The following UACA variants were observed in gnomAD, a reference collection of about 807,000 sequenced individuals.
UACA encodes the protein uveal autoantigen with coiled-coil domains and ankyrin repeats.
A neutral mutation model predicts 160.5 loss-of-function variants in UACA; 112 were observed. The ratio of observed to expected loss-of-function variants is 0.70; its 90% CI spans 0.60 to 0.82. UACA has a LOEUF of 0.82. Ranked by LOEUF, UACA falls within the 40% of genes least tolerant of loss-of-function variation. UACA has a pLI of 0.00. For synonymous variants in UACA, 557 were observed against 568.4 expected, an observed-to-expected ratio of 0.98 and a Z score of 0.29; for missense variants, 1,574 against 1,614.6, an observed-to-expected ratio of 0.97 and a Z score of 0.43.
intron 1 of UACA, among the ~76,000 whole-genome samples, chr15:70,750,854 A>T (rs2030006824): frequency 6.6e-6 from 1 of 152,160 alleles, no homozygotes; most frequent in African/African-American, 2.4e-5. Flanking sequence ...CACCCTGCAG[A>T]TTGGTGTCTC....
intron 1 of UACA, 150 bp downstream of exon 1, chr15:70,763,180 A>G: frequency 1.2e-6 from 1 of 835,724 alleles, no homozygotes; most frequent in Non-Finnish European, 1.6e-6. Flanking sequence ...GGGCTGACGG[A>G]GTCTCCGGCC....
intron 1 of UACA, among the ~76,000 whole-genome samples, chr15:70,706,650 A>G (rs1008550639): frequency 1.8e-4 from 27 of 152,156 alleles, no homozygotes; most frequent in Admixed American, 6.5e-5. Context: ...TTGCATTTCT[A>G]TATAATAACA....
chr15:70,775,614 C>T, the UACA span, among the ~76,000 whole-genome samples: 1 of 152,066 alleles, frequency 6.6e-6, no homozygotes, highest in Middle Eastern at 3.2e-3. Flanking sequence ...TTGCTTTTTG[C>T]TTGTGTTTTC....
In UACA at chr15:70,762,152, T is replaced by C. The variant is rs552309564; in HGVS notation, c.78+1178A>G. 1.5e-3 allele frequency among the ~76,000 whole-genome samples: 232 copies of C among 152,332 alleles called. 1 individual carries two copies. Among genetic ancestry groups the C allele is most frequent in the African/African-American group, 5.3e-3 (221 of 41,572 alleles). On this transcript the variant is annotated intron_variant, in intron 1 of 18. Transcript: ENST00000322954. The stretch of plus-strand genomic sequence containing the variant: ...TCAATTACGTCATCTGAATCTACTC[T>C]CTTTTTTTGAAATAGGAATTTAAGT...
At chr15:70,751,151 A>G (rs781158652) in intron 1 of UACA, among the ~76,000 whole-genome samples, 1 of 152,146 alleles carries the variant, frequency 6.6e-6, no homozygotes, top group Non-Finnish European at 1.5e-5. Flanking sequence ...ACAGTCCTCT[A>G]TCACAGCACT....
intron 17 of UACA, 79 bp downstream of exon 17, chr15:70,664,583 A>G: frequency 6.7e-7 from 1 of 1,491,588 alleles, no homozygotes; most frequent in African/African-American, 1.4e-5. Flanking sequence ...GAGCACTTTA[A>G]TTTCTAAATG....
At chr15:70,719,321 A>T (rs76968984) in intron 1 of UACA, among the ~76,000 whole-genome samples, 2,353 of 152,288 alleles carry the variant, frequency 0.015, 26 homozygotes, top group South Asian at 0.023. Flanking sequence ...ACCAAATCAT[A>T]AGTGTAGCCA....
chr15:70,763,810 G>T (rs1449927421), upstream of UACA, among the ~76,000 whole-genome samples: 2 of 152,256 alleles, frequency 1.3e-5, no homozygotes, highest in African/African-American at 4.8e-5. Context: ...CCCACCCGGA[G>T]CTTAAGATCT....
At position 70,666,801 on chromosome 15, in the gene UACA, T is replaced by C. The variant is rs746621471; in HGVS notation, c.3883A>G (p.Lys1295Glu). The C allele has an allele frequency of 6.2e-7, 1 of 1,613,616 alleles. No homozygotes were observed. Among genetic ancestry groups the C allele is most frequent in the Non-Finnish European group, 8.5e-7 (1 of 1,179,872 alleles). Residue 1295 changes from lysine (K) to glutamate (E), a missense_variant, in exon 16 of 19, where the codon AAG becomes GAG. Lys to Glu is a moderately conservative substitution (Grantham distance 56). Transcript: ENST00000322954. ...AACTCTGTGATTGTTGTTAAGGACTTATCACATCGTTCCTTCTGATCCTTA... is the reference window on the plus strand; with the variant it reads ...AACTCTGTGATTGTTGTTAAGGACTCATCACATCGTTCCTTCTGATCCTTA... ...EIKDQKERCD[K>E]SLTTITELQR... is the part of the protein sequence containing the mutation.
At chr15:70,701,932 C>A in intron 1 of UACA, 1 of 1,612,774 alleles carries the variant, frequency 6.2e-7, no homozygotes, top group Non-Finnish European at 8.5e-7. Flanking sequence ...GATTTAGTTT[C>A]TTGTTGCTAA....
At chr15:70,688,275 T>A (rs1897801839) in intron 5 of UACA, among the ~76,000 whole-genome samples, 1 of 152,194 alleles carries the variant, frequency 6.6e-6, no homozygotes, top group African/African-American at 2.4e-5. Flanking sequence ...GATTGCAATG[T>A]CTACCTTTAT....
At chr15:70,728,041 G>A (rs151136802) in intron 1 of UACA, among the ~76,000 whole-genome samples, 2 of 152,166 alleles carry the variant, frequency 1.3e-5, no homozygotes, top group African/African-American at 2.4e-5. Context: ...AGACTAATGG[G>A]GAACAGAAGA....
upstream of UACA, among the ~76,000 whole-genome samples, chr15:70,767,358 G>T (rs2141024705): frequency 6.6e-6 from 1 of 152,014 alleles, no homozygotes; most frequent in South Asian, 2.1e-4. Context: ...GGAGGCCAAA[G>T]TGGACAGATC....
chr15:70,751,796 G>A (rs2030077210), intron 1 of UACA, among the ~76,000 whole-genome samples: 1 of 152,022 alleles, frequency 6.6e-6, no homozygotes. Flanking sequence ...CTAAGACTGA[G>A]AAACACTTCA....
At chr15:70,763,226 T>C (rs1296973068) in intron 1 of UACA, 104 bp downstream of exon 1, 2 of 1,212,972 alleles carry the variant, frequency 1.6e-6, no homozygotes, top group African/African-American at 1.6e-5. Context: ...GAAGCCGAAC[T>C]GGCAGAGGAA....
intron 1 of UACA, among the ~76,000 whole-genome samples, chr15:70,749,782 G>A (rs1445497839): frequency 6.6e-6 from 1 of 150,412 alleles, no homozygotes; most frequent in Non-Finnish European, 1.5e-5. Context: ...TATTAGCATA[G>A]TAAGTTAAAC....
intron 1 of UACA, among the ~76,000 whole-genome samples, chr15:70,714,466 A>C (rs1238768727): frequency 6.6e-6 from 1 of 152,142 alleles, no homozygotes; most frequent in Non-Finnish European, 1.5e-5. Flanking sequence ...TATGATTTGA[A>C]AGTATGTAGT....
chr15:70,766,524 T>A (rs568349763), upstream of UACA, among the ~76,000 whole-genome samples: 50 of 152,182 alleles, frequency 3.3e-4, no homozygotes, highest in Non-Finnish European at 6.3e-4. Flanking sequence ...TTTACTAGAT[T>A]ATATATACAC....
At chr15:70,770,570 A>G in the UACA span, among the ~76,000 whole-genome samples, 1 of 152,232 alleles carries the variant, frequency 6.6e-6, no homozygotes, top group African/African-American at 2.4e-5. Flanking sequence ...TAAAATACCA[A>G]CACATGCTGA....
Sources: allele counts gnomAD v4.1 joint callset (sites outside exome capture counted in the v4.1 genomes callset), GRCh38; gene constraint gnomAD v4.1.1; transcripts MANE v1.5; gene names NCBI Gene and HGNC (gene_info 2026-07-23, HGNC 2026-07-21).